The following SDK2 variants were observed in gnomAD, a reference collection of about 807,000 sequenced individuals.
SDK2 encodes sidekick cell adhesion molecule 2, also known as protein sidekick-2.
In SDK2, 105 loss-of-function variants were observed where a neutral mutation model predicts 253.9. The observed-to-expected ratio is 0.41, with a 90% CI of 0.35 to 0.49. The LOEUF (loss-of-function observed/expected upper bound fraction) is 0.49, where lower values mean the gene tolerates loss of function less well. Among genes scored for constraint, SDK2 ranks in the 20% least tolerant of loss-of-function variants. The pLI, the probability that SDK2 is intolerant of heterozygous loss-of-function variation, is 0.06. For missense variants in SDK2, 2,608 were observed against 3,003.0 expected (o/e 0.87, Z 3.07); for synonymous variants, 1,249 against 1,234.9 (o/e 1.01, Z -0.24).
intron 15 of SDK2, 106 bp from the exon 16 acceptor site, chr17:73,419,412 T>C: frequency 1.6e-6 from 2 of 1,276,834 alleles, no homozygotes; most frequent in Non-Finnish European, 2.2e-6. Flanking sequence ...GATAATTCGG[T>C]ACAACTGCTG....
chr17:73,480,946 T>C (rs1442138603), intron 2 of SDK2, among the ~76,000 whole-genome samples: 8 of 152,326 alleles, frequency 5.3e-5, no homozygotes, highest in Middle Eastern at 3.4e-3. Flanking sequence ...TGTGCTGTAA[T>C]TCCCCTCCCA....
chr17:73,360,504 C>A (rs2145419412), intron 39 of SDK2, among the ~76,000 whole-genome samples: 1 of 151,698 alleles, frequency 6.6e-6, no homozygotes, highest in Admixed American at 6.6e-5. Flanking sequence ...GGGAGGGAGG[C>A]AGCAGAGTGG....
intron 2 of SDK2, chr17:73,504,193 C>T (rs7207010): frequency 0.31 from 28,407 of 92,208 alleles, 2,818 homozygotes; most frequent in East Asian, 0.34. Flanking sequence ...GCAGTGCGTG[C>T]GTGTGTGTGT....
intron 36 of SDK2, among the ~76,000 whole-genome samples, chr17:73,377,536 C>T (rs549643399): frequency 1.9e-4 from 29 of 151,086 alleles, no homozygotes; most frequent in African/African-American, 5.6e-4. Flanking sequence ...CTTTTTAAAT[C>T]TACTTCCCCT....
intron 1 of SDK2, among the ~76,000 whole-genome samples, chr17:73,640,232 G>A (rs577456552): frequency 1.5e-5 from 2 of 135,770 alleles, no homozygotes; most frequent in Admixed American, 8.0e-5. Flanking sequence ...AATATTTGCC[G>A]AACAAATGCA....
At position 73,361,588 on chromosome 17, in the gene SDK2, C is replaced by T. The variant is rs977520754; in HGVS notation, c.5467+96G>A. On this transcript the variant is annotated intron_variant, in intron 39 of 44. Coordinates refer to ENST00000392650, the MANE Select transcript of SDK2 (RefSeq NM_001144952.2). The surrounding 1 kb of genome is among the most constrained non-coding windows in gnomAD (Gnocchi z 4.1). ...GTGAGCTCTGTCCTCCACTCTGTTT[C>T]CAGGGTCCAGCACAGCTCTTGACAC... The T allele has an allele frequency of 7.8e-7, 1 of 1,281,584 alleles. No homozygotes were observed. The highest frequency in any genetic ancestry group is 1.5e-5 in the African/African-American group (1 of 68,916). The allele number at this position is 1,281,584 out of a possible 1,614,324, so 79.4% of individuals were successfully genotyped here. A position where few individuals can be genotyped will look rare whatever the true frequency, so the allele number is the denominator to read the frequency against.
At chr17:73,613,601 ACCCCC>A (rs2046007721) in intron 1 of SDK2, among the ~76,000 whole-genome samples, 1 of 47,588 alleles carries the variant, frequency 2.1e-5, no homozygotes, top group South Asian at 8.7e-4. Context: ...CCCCACCCCC[ACCCCC>A]AGCCCCCTCC....
chr17:73,346,481 A>C (rs1387638074), intron 44 of SDK2, among the ~76,000 whole-genome samples: 1 of 151,984 alleles, frequency 6.6e-6, no homozygotes, highest in East Asian at 1.9e-4. Context: ...TGCAGTGTTA[A>C]AGTTCCATCA....
At chr17:73,390,149 T>A in intron 29 of SDK2, 138 bp downstream of exon 29, 1 of 749,972 alleles carries the variant, frequency 1.3e-6, no homozygotes, top group African/African-American at 1.8e-5. Context: ...GACTTTGACT[T>A]CAGAGATTGG....
At chr17:73,573,683 C>T (rs946195600) in intron 1 of SDK2, among the ~76,000 whole-genome samples, 2 of 152,224 alleles carry the variant, frequency 1.3e-5, no homozygotes, top group East Asian at 1.9e-4. Context: ...TGCTCCCCTC[C>T]GCTCCCTGAG....
At chr17:73,399,769 G>A (rs1004358197) in intron 21 of SDK2, among the ~76,000 whole-genome samples, 5 of 152,254 alleles carry the variant, frequency 3.3e-5, no homozygotes, top group Middle Eastern at 3.4e-3. Flanking sequence ...CTTATTTTCT[G>A]GCCAGGAATC....
intron 12 of SDK2, among the ~76,000 whole-genome samples, chr17:73,426,208 CTTTTTTTTTTTTTTTTTT>C (rs751417057): frequency 6.9e-5 from 2 of 29,166 alleles, no homozygotes; most frequent in Non-Finnish European, 1.3e-4. Flanking sequence ...CCATGCTGGG[CTTTTTTTTTTTTTTTTTT>C]TTTTTTTTTT....
intron 8 of SDK2, among the ~76,000 whole-genome samples, chr17:73,436,064 T>C (rs2145620595): frequency 6.6e-6 from 1 of 152,230 alleles, no homozygotes; most frequent in Admixed American, 6.5e-5. Flanking sequence ...TAATTTCTTA[T>C]TTTTTATTGC....
intron 1 of SDK2, among the ~76,000 whole-genome samples, chr17:73,632,086 G>A (rs1016046790): frequency 6.6e-6 from 1 of 152,238 alleles, no homozygotes; most frequent in Admixed American, 6.5e-5. Context: ...GGCAACAGCC[G>A]TATCCTCACT....
intron 1 of SDK2, among the ~76,000 whole-genome samples, chr17:73,524,704 G>A (rs1197490575): frequency 2.0e-5 from 3 of 152,218 alleles, no homozygotes; most frequent in Non-Finnish European, 2.9e-5. Flanking sequence ...TTGCATAGAT[G>A]AGAACACTGA....
chr17:73,425,238 C>T (rs545194941), intron 12 of SDK2, among the ~76,000 whole-genome samples: 1 of 151,876 alleles, frequency 6.6e-6, no homozygotes, highest in South Asian at 2.1e-4. Flanking sequence ...ACAAAAAGCC[C>T]CCCCAAAAAA....
chr17:73,550,531 C>T (rs1017291232), intron 1 of SDK2, among the ~76,000 whole-genome samples: 58 of 151,870 alleles, frequency 3.8e-4, no homozygotes, highest in African/African-American at 1.3e-3. Flanking sequence ...GTCAGGGTGG[C>T]GGTGGAAGGG....
chr17:73,367,917 C>T (rs2062699366), intron 37 of SDK2, among the ~76,000 whole-genome samples: 1 of 152,190 alleles, frequency 6.6e-6, no homozygotes, highest in African/African-American at 2.4e-5. Flanking sequence ...TGTGCTGACC[C>T]CCGTCTGCAT....
chr17:73,338,878 G>A lies in SDK2; in HGVS notation c.6228C>T (p.His2076=), dbSNP rs756119089. The A allele has an allele frequency of 1.2e-6, 2 of 1,614,032 alleles. No individual in the cohort carries two copies. Among genetic ancestry groups the A allele is most frequent in the Non-Finnish European group, 1.7e-6 (2 of 1,179,904 alleles). Residue 2076 remains histidine, a synonymous_variant, in exon 45 of 45, where the codon CAC becomes CAT. Coordinates refer to ENST00000392650, the MANE Select transcript of SDK2 (RefSeq NM_001144952.2). The surrounding 1 kb of genome is among the most constrained non-coding windows in gnomAD (Gnocchi z 5.0). ...NHQKAHSFVN[H]YISDPTYYNS... Reference sequence around the variant, plus strand: ...TGTAGTATGTGGGGTCACTGATGTAGTGGTTGACAAAGGAGTGGGCCTTCT... The same window carrying A: ...TGTAGTATGTGGGGTCACTGATGTAATGGTTGACAAAGGAGTGGGCCTTCT...
Sources: allele counts gnomAD v4.1 joint callset (sites outside exome capture counted in the v4.1 genomes callset), GRCh38; gene constraint gnomAD v4.1.1; non-coding constraint Gnocchi (gnomAD v3.1); transcripts MANE v1.5; gene names NCBI Gene and HGNC (gene_info 2026-07-23, HGNC 2026-07-21).